The following AOX1 variants were observed in gnomAD, a reference collection of about 807,000 sequenced individuals.
AOX1 encodes aldehyde oxidase 1.
Under a neutral mutation model 169.5 loss-of-function variants are expected in AOX1, and 153 were observed. The ratio of observed to expected loss-of-function variants is 0.90; its 90% confidence interval spans 0.79 to 1.03. The LOEUF is 1.03. Ranked by LOEUF, AOX1 falls within the 50% of genes least tolerant of loss-of-function variation. The pLI, the probability that AOX1 is intolerant of heterozygous loss-of-function variation, is 0.00. For missense variants in AOX1, 1,656 were observed against 1,663.9 expected (o/e 1.00, Z 0.08); for synonymous variants, 562 against 581.9 (o/e 0.97, Z 0.49).
At chr2:200,616,359 T>C (rs2034758739) in intron 16 of AOX1, among the ~76,000 whole-genome samples, 1 of 152,236 alleles carries the variant, frequency 6.6e-6, no homozygotes, top group Non-Finnish European at 1.5e-5. Context: ...TTGTCACGTG[T>C]TTTCTGCCCT....
At chr2:200,636,878 G>A in intron 21 of AOX1, 33 bp from the exon 22 acceptor site, 1 of 1,596,982 alleles carries the variant, frequency 6.3e-7, no homozygotes, top group Non-Finnish European at 8.5e-7. Context: ...GCTGAAGATG[G>A]ATCAGATTAA....
At position 200,602,325 on chromosome 2, in the gene AOX1, G is replaced by T. The variant is rs2034432413; in HGVS notation, c.478G>T (p.Ala160Ser). The T allele has an allele frequency of 6.2e-7, 1 of 1,613,786 alleles. No individual in the cohort carries two copies. Among genetic ancestry groups the T allele is most frequent in the Admixed American group, 1.7e-5 (1 of 59,966 alleles). The stretch of plus-strand genomic sequence containing the variant: ...CACTGGATACAGGCCCATAATTGAT[G>T]CATGCAAGACTTTCTGTAAAGTAAG... ...RCTGYRPIID[A>S]CKTFCKTSGC... Residue 160 changes from alanine to serine, a missense_variant, in exon 6 of 35, where the codon GCA becomes TCA. Physicochemically the swap from Ala to Ser is moderately conservative, Grantham distance 99. Transcript: ENST00000374700.
chr2:200,634,855 C>A lies in AOX1; in HGVS notation c.2286C>A (p.Pro762=). The A allele has an allele frequency of 6.2e-7, 1 of 1,613,982 alleles. No homozygotes were observed. The highest frequency in any genetic ancestry group is 8.5e-7 in the Non-Finnish European group (1 of 1,179,946). Residue 762 remains proline (P), a synonymous_variant, in exon 21 of 35, where the codon CCC becomes CCA. Transcript: ENST00000374700. ...AAACCCAAAGCATGCTTGTCGTTCC[C>A]AAGGGAGAGGATCAAGAAATGGATG... ...YMETQSMLVV[P]KGEDQEMDVY... is the part of the protein sequence containing the mutation.
At chr2:200,615,604 A>T (rs1047015299) in intron 15 of AOX1, among the ~76,000 whole-genome samples, 7 of 152,214 alleles carry the variant, frequency 4.6e-5, no homozygotes, top group African/African-American at 1.4e-4. Flanking sequence ...TCCTGGCTTA[A>T]GTATTTTCTT....
chr2:200,626,912 A>G (rs1327106465), intron 19 of AOX1, among the ~76,000 whole-genome samples: 1 of 152,234 alleles, frequency 6.6e-6, no homozygotes, highest in Non-Finnish European at 1.5e-5. Flanking sequence ...CATTTTACAG[A>G]CAATGATAAG....
intron 5 of AOX1, among the ~76,000 whole-genome samples, chr2:200,601,713 C>T (rs1291885691): frequency 1.3e-5 from 2 of 152,038 alleles, no homozygotes; most frequent in Admixed American, 1.3e-4. Flanking sequence ...GGGTGGATCA[C>T]CTGAGGTCAG....
chr2:200,642,824 G>A (rs370344535), intron 25 of AOX1, 23 bp downstream of exon 25: 11 of 1,600,090 alleles, frequency 6.9e-6, no homozygotes, highest in African/African-American at 6.7e-5. Flanking sequence ...CAGCTTCACA[G>A]ACAAAACATG....
At chr2:200,642,541 G>T in intron 24 of AOX1, 69 bp from the exon 25 acceptor site, 2 of 1,404,510 alleles carry the variant, frequency 1.4e-6, no homozygotes, top group Non-Finnish European at 2.0e-6. Flanking sequence ...GCCTGGTTTT[G>T]GTCTGAGGTC....
In AOX1 at chr2:200,661,567, C is replaced by A; in HGVS notation, c.3376-12C>A. 1 of 1,611,290 alleles carries A rather than the reference C, an allele frequency of 6.2e-7. No homozygotes were observed. Among genetic ancestry groups the A allele is most frequent in the South Asian group, 1.1e-5 (1 of 90,908 alleles). On this transcript the variant is annotated splice_polypyrimidine_tract_variant and intron_variant, in intron 29 of 34. Transcript: ENST00000374700. Reference sequence around the variant, plus strand: ...CATCCTTGTTGCATCATGCTATGCTCTTCCTTCACAGGCACAGACTGCTTT... The same window carrying A: ...CATCCTTGTTGCATCATGCTATGCTATTCCTTCACAGGCACAGACTGCTTT...
intron 26 of AOX1, 114 bp downstream of exon 26, chr2:200,651,315 T>C (rs985296613): frequency 3.4e-5 from 30 of 893,424 alleles, no homozygotes; most frequent in Non-Finnish European, 5.1e-5. Flanking sequence ...CAATGCCCAA[T>C]TGTTAAATTT....
chr2:200,677,421 T>C (rs1351521507), downstream of AOX1, among the ~76,000 whole-genome samples: 2 of 152,150 alleles, frequency 1.3e-5, no homozygotes, highest in Non-Finnish European at 2.9e-5. Flanking sequence ...TTCTTGCATC[T>C]CTCTCTTCCT....
At chr2:200,647,854 T>C (rs1048257463) in intron 25 of AOX1, among the ~76,000 whole-genome samples, 1 of 152,174 alleles carries the variant, frequency 6.6e-6, no homozygotes, top group African/African-American at 2.4e-5. Context: ...CTGAATTTCT[T>C]TCTTCTACTT....
At chr2:200,587,370 A>C (rs1461017158) in intron 1 of AOX1, among the ~76,000 whole-genome samples, 1 of 152,204 alleles carries the variant, frequency 6.6e-6, no homozygotes, top group African/African-American at 2.4e-5. Flanking sequence ...GTGCCGGTTC[A>C]TTCAGAGCCA....
At chr2:200,663,600 C>CCCA (rs368079275) in intron 31 of AOX1, among the ~76,000 whole-genome samples, 1 of 120,774 alleles carries the variant, frequency 8.3e-6, no homozygotes, top group African/African-American at 3.1e-5. Flanking sequence ...TCTCTCTCCC[C>CCCA]CTCTTTCTGT....
intron 26 of AOX1, among the ~76,000 whole-genome samples, chr2:200,652,610 G>A (rs1194015634): frequency 6.6e-6 from 1 of 152,174 alleles, no homozygotes; most frequent in Non-Finnish European, 1.5e-5. Context: ...AGGAAAAACA[G>A]CCTCCATTGT....
chr2:200,592,135 G>A (rs932585377), intron 1 of AOX1, among the ~76,000 whole-genome samples: 6 of 152,094 alleles, frequency 3.9e-5, no homozygotes, highest in Admixed American at 6.5e-5. Flanking sequence ...TACCTGAGAG[G>A]CACCCCATAT....
intron 20 of AOX1, among the ~76,000 whole-genome samples, chr2:200,628,814 C>T (rs1433104113): frequency 6.6e-6 from 1 of 152,088 alleles, no homozygotes; most frequent in Non-Finnish European, 1.5e-5. Flanking sequence ...GTAATCCCAG[C>T]TACTGAGGAG....
intron 13 of AOX1, 142 bp from the exon 14 acceptor site, chr2:200,612,467 A>G (rs189481011): frequency 1.3e-6 from 1 of 757,200 alleles, no homozygotes; most frequent in East Asian, 2.5e-5. Flanking sequence ...GATGCTCAAC[A>G]CACACACACT....
intron 26 of AOX1, among the ~76,000 whole-genome samples, chr2:200,652,780 T>G (rs1285731441): frequency 6.6e-6 from 1 of 152,008 alleles, no homozygotes; most frequent in African/African-American, 2.4e-5. Context: ...ATTTGAAAAA[T>G]ATGGTGAGGT....
Sources: allele counts gnomAD v4.1 joint callset (sites outside exome capture counted in the v4.1 genomes callset), GRCh38; gene constraint gnomAD v4.1.1; transcripts MANE v1.5; gene names NCBI Gene and HGNC (gene_info 2026-07-23, HGNC 2026-07-21).